FBXO9: variants seen among roughly 807,000 people sequenced by gnomAD.
The protein encoded by FBXO9 is F-box protein 9.
A neutral mutation model predicts 63.7 loss-of-function variants in FBXO9; 43 were observed. That is an observed-to-expected ratio of 0.67 (90% CI 0.53 to 0.87). The LOEUF (loss-of-function observed/expected upper bound fraction) is 0.87. Among genes scored for constraint, FBXO9 ranks in the 40% least tolerant of loss-of-function variants. FBXO9 has a pLI of 0.00. For missense variants in FBXO9, 442 were observed against 533.2 expected, an observed-to-expected ratio of 0.83 and a Z score of 1.68; for synonymous variants, 156 against 171.7, an observed-to-expected ratio of 0.91 and a Z score of 0.72.
chr6:53,081,893 A>G (rs765283623), intron 6 of FBXO9, among the ~76,000 whole-genome samples: 87 of 151,856 alleles, frequency 5.7e-4, no homozygotes, highest in Non-Finnish European at 1.0e-3. Context: ...ACATGGTGAA[A>G]CCCCACCTCT....
intron 11 of FBXO9, chr6:53,094,657 A>G: frequency 3.6e-6 from 1 of 280,834 alleles, no homozygotes; most frequent in Non-Finnish European, 7.4e-6. Context: ...TTTCTCTTGT[A>G]TGAAATTCCC....
At chr6:53,092,947 A>C (rs1763087050) in intron 9 of FBXO9, 123 bp downstream of exon 9, 1 of 549,104 alleles carries the variant, frequency 1.8e-6, no homozygotes, top group African/African-American at 1.9e-5. Flanking sequence ...TTTATCTAGT[A>C]CTCAATGTAG....
Position 53,071,057 on chromosome 6 carries a change from G to T in FBXO9, c.4G>T (p.Ala2Ser). The change falls in exon 2 of 13, where the codon GCA becomes TCA. Residue 2 changes from alanine to serine, a missense_variant and splice_region_variant. Transcript: ENST00000323557. M[A>S]EAEEDCHSDT... ...CATTATTTGGGTTTTCCCCCCTCAGGCAGAAGCTGAGGAAGATTGTCATTC... is the reference window on the plus strand; with the variant it reads ...CATTATTTGGGTTTTCCCCCCTCAGTCAGAAGCTGAGGAAGATTGTCATTC... 3 of 1,569,970 alleles carry T rather than the reference G, an allele frequency of 1.9e-6. No homozygotes were observed. Among genetic ancestry groups the T allele is most frequent in the Non-Finnish European group, 1.7e-6 (2 of 1,155,470 alleles).
chr6:53,082,581 T>C lies in FBXO9; in HGVS notation c.616T>C (p.Leu206=). The C allele has an allele frequency of 6.2e-7, 1 of 1,613,808 alleles. No individual in the cohort carries two copies. Among genetic ancestry groups the C allele is most frequent in the Non-Finnish European group, 8.5e-7 (1 of 1,179,752 alleles). ...CTTGGACCTCAGATCATTGGAGCAG[T>C]TGTCGCTGGTGTGCAGAGGATTCTA... is the stretch of plus-strand genomic sequence containing the variant. ...SDLDLRSLEQ[L]SLVCRGFYIC... is the part of the protein sequence containing the mutation. The change falls in exon 7 of 13, where the codon TTG becomes CTG. Residue 206 remains leucine (L), a synonymous_variant. Coordinates refer to ENST00000323557, the MANE Select transcript of FBXO9 (RefSeq NM_033480.3).
At position 53,075,734 on chromosome 6, in the gene FBXO9, A is replaced by ATTTTT. The variant is rs761159029; in HGVS notation, c.250-750_250-749insTTTTT. Among the ~76,000 whole-genome samples, 157 of 82,162 alleles carry ATTTTT rather than the reference A, an allele frequency of 1.9e-3. 46 individuals are homozygous for ATTTTT. Among genetic ancestry groups the ATTTTT allele is most frequent in the East Asian group, 4.1e-3 (10 of 2,466 alleles). 53.9% of individuals were successfully genotyped at this position (82,162 alleles called of 152,430 possible). On this transcript the variant is annotated intron_variant, in intron 3 of 12. Transcript: ENST00000323557. ...TAATTGGATTACATATATATATATA[A>ATTTTT]TTATTTTTTTTTTTTTTTTTTTTTT...
chr6:53,084,236 G>A (rs892199580), intron 7 of FBXO9, among the ~76,000 whole-genome samples: 1 of 152,192 alleles, frequency 6.6e-6, no homozygotes, highest in African/African-American at 2.4e-5. Context: ...CAGGGAATTA[G>A]GTGAGACCAT....
At chr6:53,097,517 CTGAGTGT>C (rs1196233716) in intron 12 of FBXO9, among the ~76,000 whole-genome samples, 198 bp from the exon 13 acceptor site, 8 of 152,030 alleles carry the variant, frequency 5.3e-5, no homozygotes, top group South Asian at 2.1e-4. Flanking sequence ...TCATATGGCT[CTGAGTGT>C]TGGAATTGTG....
At chr6:53,085,323 G>A (rs1769447312) in intron 7 of FBXO9, among the ~76,000 whole-genome samples, 1 of 152,198 alleles carries the variant, frequency 6.6e-6, no homozygotes, top group South Asian at 2.1e-4. Context: ...AAAAATCTTT[G>A]TTCAAGAGTA....
Position 53,081,091 on chromosome 6 carries a change from C to T in FBXO9, c.531C>T (p.His177=), listed in dbSNP as rs1769295851. Residue 177 remains histidine (H), a synonymous_variant, in exon 6 of 13, where the codon CAC becomes CAT. Coordinates refer to ENST00000323557, the MANE Select transcript of FBXO9 (RefSeq NM_033480.3). ...CTGAGCTTGAGAGCAGTCAGATTCA[C>T]ATATCAGGTGTGAATACTTGTTTTT... ...CQPELESSQI[H]ISVLPMEVLM... 3.9e-5 allele frequency: 62 copies of T among 1,610,322 alleles called. No individual in the cohort carries two copies. Among genetic ancestry groups the T allele is most frequent in the Non-Finnish European group, 5.2e-5 (61 of 1,179,570 alleles).
In FBXO9 at chr6:53,086,489, G is replaced by A. The variant is rs1762891774; in HGVS notation, c.653+3871G>A. On this transcript the variant is annotated intron_variant, in intron 7 of 12. Transcript: ENST00000323557. ...AAAAGATAAAGAAATACCTTTTATA[G>A]GGTATTTGCTTCTCCATGTGGGAAA... Among the ~76,000 whole-genome samples, 3 of 152,082 alleles carry A rather than the reference G, an allele frequency of 2.0e-5. No homozygotes were observed. The South Asian group carries it at 6.2e-4, about 32-fold the overall frequency.
At position 53,098,816 on chromosome 6, in the gene FBXO9, T is replaced by C. The variant is rs1040873462; in HGVS notation, c.*986T>C. 2.0e-5 allele frequency: 3 copies of C among 152,226 alleles called. No homozygotes were observed. Among genetic ancestry groups the C allele is most frequent in the African/African-American group, 7.2e-5 (3 of 41,442 alleles). The allele number at this position is 152,226 out of a possible 1,614,324, so 9.4% of individuals were successfully genotyped here. On this transcript the variant is annotated 3_prime_UTR_variant, in exon 13 of 13. Coordinates refer to ENST00000323557, the MANE Select transcript of FBXO9 (RefSeq NM_033480.3). ...CCTAACTCTTGTTCCAGTATGAAAG[T>C]TGGGGGAGAGCACCAGCCACCTAGG...
intron 4 of FBXO9, among the ~76,000 whole-genome samples, chr6:53,077,047 T>C (rs1769136697): frequency 6.6e-6 from 1 of 152,186 alleles, no homozygotes; most frequent in Non-Finnish European, 1.5e-5. Context: ...ATAAAGTATT[T>C]AAAAATTATT....
intron 6 of FBXO9, 72 bp from the exon 7 acceptor site, chr6:53,082,431 AT>A: frequency 1.1e-6 from 1 of 947,458 alleles, no homozygotes; most frequent in South Asian, 1.5e-5. Context: ...GAAGGTATAA[AT>A]GTACTGGGAA....
chr6:53,078,514 G>A lies in FBXO9; in HGVS notation c.308-285G>A, dbSNP rs1163913138. On this transcript the variant is annotated intron_variant, in intron 4 of 12. Coordinates refer to ENST00000323557, the MANE Select transcript of FBXO9 (RefSeq NM_033480.3). Reference sequence around the variant, plus strand: ...AGCAATTGCATCTTCAGAGCCCAAAGAAAGACAACTATTTAAAAATCATGA... The same window carrying A: ...AGCAATTGCATCTTCAGAGCCCAAAAAAAGACAACTATTTAAAAATCATGA... Among the ~76,000 whole-genome samples, 3 of 152,144 alleles carry A rather than the reference G, an allele frequency of 2.0e-5. No individual in the cohort carries two copies. The East Asian group carries it at 5.8e-4, about 29-fold the overall frequency.
At chr6:53,070,120 G>A (rs1259839809) in intron 1 of FBXO9, among the ~76,000 whole-genome samples, 2 of 144,184 alleles carry the variant, frequency 1.4e-5, no homozygotes, top group East Asian at 2.1e-4. Flanking sequence ...TCAGGCTCAA[G>A]CAACCCTCCC....
intron 11 of FBXO9, 81 bp from the exon 12 acceptor site, chr6:53,095,432 G>T (rs777358441): frequency 1.0e-5 from 13 of 1,262,490 alleles, no homozygotes; most frequent in South Asian, 1.7e-5. Context: ...GTTACTTTTA[G>T]TGTCACTGTT....
chr6:53,074,265 A>G (rs1299410423), intron 3 of FBXO9, among the ~76,000 whole-genome samples: 1 of 152,100 alleles, frequency 6.6e-6, no homozygotes, highest in African/African-American at 2.4e-5. Context: ...TTACCATCAG[A>G]TCCAAGTTTG....
At chr6:53,095,269 A>T (rs1157556642) in intron 11 of FBXO9, among the ~76,000 whole-genome samples, 1 of 152,234 alleles carries the variant, frequency 6.6e-6, no homozygotes. Flanking sequence ...AAATAATGCA[A>T]TCATATTTAA....
chr6:53,071,539 G>C (rs1477910710), intron 2 of FBXO9, among the ~76,000 whole-genome samples: 1 of 152,186 alleles, frequency 6.6e-6, no homozygotes, highest in Non-Finnish European at 1.5e-5. Flanking sequence ...TCATTACATA[G>C]AGCACTCATA....
Sources: allele counts gnomAD v4.1 joint callset (sites outside exome capture counted in the v4.1 genomes callset), GRCh38; gene constraint gnomAD v4.1.1; transcripts MANE v1.5; gene names NCBI Gene and HGNC (gene_info 2026-07-23, HGNC 2026-07-21).